The following GLIS3 variants were observed in gnomAD, a reference collection of about 807,000 sequenced individuals.
GLIS3 encodes zinc finger protein GLIS3.
A neutral mutation model predicts 78.6 loss-of-function variants in GLIS3; 53 were observed. The ratio of observed to expected loss-of-function variants is 0.67; its 90% CI spans 0.54 to 0.85. GLIS3 has a LOEUF of 0.85. Among genes scored for constraint, GLIS3 ranks in the 40% least tolerant of loss-of-function variants. The probability of loss-of-function intolerance (pLI) is 0.00; values close to 1 mark genes in which losing one functional copy is unlikely to be tolerated. For missense variants in GLIS3, 1,703 were observed against 1,231.1 expected, an observed-to-expected ratio of 1.38 and a Z score of -5.74; for synonymous variants, 684 against 509.9, an observed-to-expected ratio of 1.34 and a Z score of -4.60.
intron 2 of GLIS3, among the ~76,000 whole-genome samples, chr9:4,229,097 G>C (rs565879305): frequency 6.6e-6 from 1 of 152,296 alleles, no homozygotes; most frequent in Non-Finnish European, 1.5e-5. Flanking sequence ...GTTCATAACA[G>C]TGCGTATGAT....
intron 9 of GLIS3, among the ~76,000 whole-genome samples, chr9:3,836,754 G>C (rs529274385): frequency 6.6e-6 from 1 of 152,192 alleles, no homozygotes; most frequent in African/African-American, 2.4e-5. Context: ...GCCACACCAG[G>C]GTTGCTGTTT....
chr9:4,076,307 G>T (rs779066498), intron 4 of GLIS3, among the ~76,000 whole-genome samples: 1 of 152,034 alleles, frequency 6.6e-6, no homozygotes, highest in Non-Finnish European at 1.5e-5. Flanking sequence ...AAAAGAAAAA[G>T]AATGCCATCT....
chr9:4,232,627 T>C (rs538929691), intron 2 of GLIS3, among the ~76,000 whole-genome samples: 1 of 152,294 alleles, frequency 6.6e-6, no homozygotes, highest in Non-Finnish European at 1.5e-5. Flanking sequence ...ATTATACCAG[T>C]ACTAGCAACA....
chr9:3,830,167 T>A (rs989976201), intron 9 of GLIS3, among the ~76,000 whole-genome samples: 1 of 152,168 alleles, frequency 6.6e-6, no homozygotes, highest in Non-Finnish European at 1.5e-5. Context: ...TTGAAAATAA[T>A]CATCAACCTT....
chr9:4,010,539 C>T lies in GLIS3; in HGVS notation c.1711-73350G>A, dbSNP rs1341052591. ...TTGGAAAGCAGAAGTGAAGAAGAAG[C>T]CACAATTCCTCTCTGGTAATAGCAG... On this transcript the variant is annotated intron_variant, in intron 4 of 10. Transcript: ENST00000381971. Among the ~76,000 whole-genome samples the T allele has an allele frequency of 2.6e-5, 4 of 152,186 alleles. No individual in the cohort carries two copies. In the East Asian group the frequency reaches 7.7e-4, roughly 29 times the overall value.
At chr9:3,967,034 C>CAA (rs1307568514) in intron 4 of GLIS3, among the ~76,000 whole-genome samples, 5 of 94,354 alleles carry the variant, frequency 5.3e-5, no homozygotes, top group African/African-American at 1.7e-4. Flanking sequence ...AAAAAAAAAA[C>CAA]AAAAAAACAT....
upstream of GLIS3, among the ~76,000 whole-genome samples, chr9:4,349,482 G>A (rs1418109252): frequency 6.6e-6 from 1 of 152,086 alleles, no homozygotes; most frequent in Non-Finnish European, 1.5e-5. Context: ...GATTTATATT[G>A]ATGAGTAGAA....
intron 8 of GLIS3, among the ~76,000 whole-genome samples, chr9:3,870,659 A>T (rs1588125345): frequency 1.3e-5 from 2 of 152,348 alleles, no homozygotes; most frequent in South Asian, 2.1e-4. Context: ...AGACTTATTC[A>T]CTACCATGAG....
At chr9:4,334,147 C>T (rs1436507974) in intron 2 of GLIS3, among the ~76,000 whole-genome samples, 1 of 152,000 alleles carries the variant, frequency 6.6e-6, no homozygotes, top group Non-Finnish European at 1.5e-5. Context: ...AAAAATTCAC[C>T]CAAATTTAGG....
At chr9:3,985,938 C>T (rs1819709568) in intron 4 of GLIS3, among the ~76,000 whole-genome samples, 1 of 152,124 alleles carries the variant, frequency 6.6e-6, no homozygotes. Flanking sequence ...ATAGTTTGTT[C>T]TACCCACATC....
At chr9:4,320,671 A>T (rs1322249561) in intron 2 of GLIS3, among the ~76,000 whole-genome samples, 1 of 151,860 alleles carries the variant, frequency 6.6e-6, no homozygotes, top group Non-Finnish European at 1.5e-5. Context: ...TACCTCCATC[A>T]TCACCACCGC....
intron 4 of GLIS3, among the ~76,000 whole-genome samples, chr9:4,048,313 T>C (rs1338506325): frequency 6.6e-6 from 1 of 152,148 alleles, no homozygotes; most frequent in Non-Finnish European, 1.5e-5. Context: ...TAGCAGAAGA[T>C]GGAAGGGCAA....
chr9:4,177,508 T>C (rs1206551516), intron 2 of GLIS3, among the ~76,000 whole-genome samples: 1 of 152,200 alleles, frequency 6.6e-6, no homozygotes, highest in East Asian at 1.9e-4. Flanking sequence ...TGAAGCAAGA[T>C]ACCCTCCCTT....
chr9:4,100,195 T>C (rs1432789272), intron 4 of GLIS3, among the ~76,000 whole-genome samples: 5 of 152,230 alleles, frequency 3.3e-5, no homozygotes, highest in East Asian at 3.9e-4. Context: ...TGGTGTAGTA[T>C]GCGGGTACTA....
intron 2 of GLIS3, among the ~76,000 whole-genome samples, chr9:4,153,576 T>C (rs1320989015): frequency 6.6e-6 from 1 of 152,018 alleles, no homozygotes; most frequent in African/African-American, 2.4e-5. Flanking sequence ...AATATATATA[T>C]ATTGTGGAAC....
intron 2 of GLIS3, among the ~76,000 whole-genome samples, chr9:4,178,979 G>C (rs1038047668): frequency 6.6e-6 from 1 of 152,140 alleles, no homozygotes; most frequent in African/African-American, 2.4e-5. Context: ...AAGAAAATGT[G>C]AATTATTTAG....
At chr9:3,961,886 T>A (rs967756897) in intron 4 of GLIS3, among the ~76,000 whole-genome samples, 2 of 152,088 alleles carry the variant, frequency 1.3e-5, no homozygotes, top group South Asian at 2.1e-4. Flanking sequence ...TCACAAAGTA[T>A]CTTGACATAA....
rs1389172579 is a variant in GLIS3, at chr9:4,189,141, T to A, written c.389-63200A>T. ...TTTCTCTTGTGGGCATTTAGTGCTA[T>A]AAACTTCCCTCTACACACTGCTTTG... On this transcript the variant is annotated intron_variant, in intron 2 of 10. Transcript: ENST00000381971. Among the ~76,000 whole-genome samples the A allele has an allele frequency of 1.1e-4, 17 of 151,302 alleles. No individual in the cohort carries two copies. The East Asian group carries it at 3.1e-3, about 28-fold the overall frequency.
intron 5 of GLIS3, among the ~76,000 whole-genome samples, chr9:3,934,743 T>C (rs1825800540): frequency 6.6e-6 from 1 of 152,144 alleles, no homozygotes; most frequent in African/African-American, 2.4e-5. Context: ...TGGAGAAAGT[T>C]TGACTACACA....
Sources: allele counts gnomAD v4.1 joint callset (sites outside exome capture counted in the v4.1 genomes callset), GRCh38; gene constraint gnomAD v4.1.1; transcripts MANE v1.5; gene names NCBI Gene and HGNC (gene_info 2026-07-23, HGNC 2026-07-21).